Variants in NCOA3 observed in about 807,000 individuals in gnomAD.
The protein encoded by NCOA3 is nuclear receptor coactivator 3, also known as CBP-interacting protein.
In NCOA3, 51 loss-of-function variants were observed where a neutral mutation model predicts 158.8. The observed-to-expected ratio is 0.32, with a 90% CI of 0.26 to 0.41. The LOEUF is 0.41. Among genes scored for constraint, NCOA3 ranks in the 10% least tolerant of loss-of-function variants. The pLI, the probability that NCOA3 is intolerant of heterozygous loss-of-function variation, is 1.00. For missense variants in NCOA3, 1,510 were observed against 1,746.6 expected, an observed-to-expected ratio of 0.86 and a Z score of 2.41; for synonymous variants, 537 against 592.4, an observed-to-expected ratio of 0.91 and a Z score of 1.36.
At chr20:47,555,521 A>G (rs2084988988) in intron 1 of NCOA3, among the ~76,000 whole-genome samples, 1 of 152,138 alleles carries the variant, frequency 6.6e-6, no homozygotes. Flanking sequence ...ATTATCTTCA[A>G]TAATGGGGAG....
chr20:47,518,067 C>G (rs2084263705), intron 1 of NCOA3, among the ~76,000 whole-genome samples: 1 of 152,052 alleles, frequency 6.6e-6, no homozygotes, highest in African/African-American at 2.4e-5. Context: ...CACATCCAGG[C>G]CAGCCATGAT....
intron 1 of NCOA3, among the ~76,000 whole-genome samples, chr20:47,512,649 G>A (rs1315672240): frequency 6.6e-6 from 1 of 150,826 alleles, no homozygotes. Context: ...AAGTAAGTAC[G>A]AAAAAAGATG....
At chr20:47,565,242 A>G (rs182353695) in intron 1 of NCOA3, among the ~76,000 whole-genome samples, 8 of 152,224 alleles carry the variant, frequency 5.3e-5, no homozygotes, top group Admixed American at 1.3e-4. Context: ...CGGCCTCCCA[A>G]TGTGCTAGGA....
At chr20:47,548,053 C>T (rs1043524885) in intron 1 of NCOA3, among the ~76,000 whole-genome samples, 1 of 151,708 alleles carries the variant, frequency 6.6e-6, no homozygotes, top group African/African-American at 2.4e-5. Flanking sequence ...ATTTTAGCTT[C>T]CCGTCTCTTT....
chr20:47,526,365 C>T (rs1338221009), intron 1 of NCOA3, among the ~76,000 whole-genome samples: 2 of 152,048 alleles, frequency 1.3e-5, no homozygotes, highest in Admixed American at 6.6e-5. Flanking sequence ...GGGTGGCGGC[C>T]GGGCAGAGGC....
intron 9 of NCOA3, 56 bp from the exon 10 acceptor site, chr20:47,633,992 A>G (rs774228819): frequency 5.0e-6 from 8 of 1,595,080 alleles, no homozygotes; most frequent in Non-Finnish European, 6.9e-6. Context: ...GTCCCCTCCT[A>G]TATATATTTG....
intron 2 of NCOA3, among the ~76,000 whole-genome samples, chr20:47,620,522 T>G (rs911483911): frequency 3.3e-5 from 5 of 152,200 alleles, no homozygotes; most frequent in African/African-American, 1.2e-4. Flanking sequence ...GTTTTTACGT[T>G]TATCTCCCCC....
chr20:47,634,222 A>G, intron 10 of NCOA3, 27 bp downstream of exon 10: 8 of 1,590,340 alleles, frequency 5.0e-6, no homozygotes, highest in Non-Finnish European at 6.9e-6. Context: ...GTGTATTCTA[A>G]TACAAAATGC....
chr20:47,621,511 CAA>C (rs1419346895), intron 2 of NCOA3, among the ~76,000 whole-genome samples: 1 of 151,994 alleles, frequency 6.6e-6, no homozygotes, highest in Non-Finnish European at 1.5e-5. Flanking sequence ...TTGTTTTAAA[CAA>C]GAGTTTAGTA....
chr20:47,599,229 G>A (rs1399980223), intron 2 of NCOA3, among the ~76,000 whole-genome samples: 1 of 152,202 alleles, frequency 6.6e-6, no homozygotes, highest in African/African-American at 2.4e-5. Context: ...AAAACACTAT[G>A]CTAAGTAAAA....
chr20:47,529,576 C>T (rs887448527), intron 1 of NCOA3, among the ~76,000 whole-genome samples: 10 of 152,136 alleles, frequency 6.6e-5, no homozygotes, highest in African/African-American at 2.4e-4. Context: ...CCACACCTGG[C>T]TAATTTTTGT....
chr20:47,522,154 G>C (rs1225301445), intron 1 of NCOA3, among the ~76,000 whole-genome samples: 2 of 134,802 alleles, frequency 1.5e-5, no homozygotes, highest in Admixed American at 8.0e-5. Flanking sequence ...CTAGGCTGGA[G>C]TGCAGTGGAG....
chr20:47,653,146 A>G, intron 22 of NCOA3, 74 bp downstream of exon 22: 1 of 1,508,958 alleles, frequency 6.6e-7, no homozygotes, highest in East Asian at 2.3e-5. Context: ...CTAGGCTATA[A>G]TCAGAATGTC....
Position 47,637,697 on chromosome 20 carries a change from G to A in NCOA3, c.2426G>A (p.Ser809Asn). 4 of 1,611,860 alleles carry A rather than the reference G, an allele frequency of 2.5e-6. No homozygotes were observed. The stretch of plus-strand genomic sequence containing the variant: ...GATGCTATTCTTGGTGATCTGACTA[G>A]TTCTGACTTTTACAATAATTCCATA... Reference protein sequence around the residue: ...NLDAILGDLTSSDFYNNSISS... With the variant: ...NLDAILGDLTNSDFYNNSISS... Residue 809 changes from serine to asparagine, a missense_variant, in exon 13 of 23, where the codon AGT (serine) becomes AAT (asparagine). By Grantham distance (46) the Ser-to-Asn change is conservative. Coordinates refer to ENST00000371998, the MANE Select transcript of NCOA3 (RefSeq NM_181659.3).
intron 8 of NCOA3, chr20:47,630,603 C>G (rs1043813357): frequency 6.6e-6 from 1 of 152,020 alleles, no homozygotes; most frequent in East Asian, 1.9e-4. Context: ...GCTGGGACTA[C>G]AGGTATGTGC....
rs138234761 is a variant in NCOA3, at chr20:47,640,004, C to T, written c.3033C>T (p.Pro1011=). 9.0e-4 allele frequency: 1,456 copies of T among 1,614,138 alleles called. 15 individuals are homozygous for T. The East Asian group carries it at 0.018, about 20-fold the overall frequency. Residue 1011 remains proline, a synonymous_variant, in exon 16 of 23, where the codon CCC becomes CCT. Transcript: ENST00000371998. ...CATCTAACCAACTGGGTTCCTGGCC[C>T]GATGGCATGTTGTCCATGGAACAAG... ...AAASNQLGSW[P]DGMLSMEQVS...
chr20:47,652,982 T>C lies in NCOA3; in HGVS notation c.4173T>C (p.Ser1391=). 1 of 1,614,218 alleles carries C rather than the reference T, an allele frequency of 6.2e-7. No individual in the cohort carries two copies. Among genetic ancestry groups the C allele is most frequent in the Non-Finnish European group, 8.5e-7 (1 of 1,180,026 alleles). ...ACCAGGGGAATCCTGCAGTGTATAG[T>C]ATGGTGCACATGAATGGCAGCAGTG... The part of the protein sequence containing the change: ...FAHQGNPAVY[S]MVHMNGSSGH... Residue 1391 remains serine (S), a synonymous_variant, in exon 22 of 23, where the codon AGT becomes AGC. Transcript: ENST00000371998.
intron 1 of NCOA3, among the ~76,000 whole-genome samples, chr20:47,553,016 G>A (rs1002743171): frequency 6.6e-6 from 1 of 150,774 alleles, no homozygotes; most frequent in Non-Finnish European, 1.5e-5. Context: ...TCACTGTAAA[G>A]TCTGCCTCCA....
In NCOA3 at chr20:47,655,844, C is replaced by T. The variant is rs11547289; in HGVS notation, c.*2427C>T. 32,612 of 152,232 alleles carry T rather than the reference C, an allele frequency of 0.21. 3,821 individuals carry two copies. The highest frequency in any genetic ancestry group is 0.29 in the Middle Eastern group (84 of 294). The allele number at this position is 152,232 out of a possible 1,614,324, so 9.4% of individuals were successfully genotyped here. On this transcript the variant is annotated 3_prime_UTR_variant, in exon 23 of 23. Transcript: ENST00000371998. ...CCAGGCTAACTGGAAGGCAGCACTCCCTTTTTTATATAGTAGAAAAATGAA... is the reference window on the plus strand; with the variant it reads ...CCAGGCTAACTGGAAGGCAGCACTCTCTTTTTTATATAGTAGAAAAATGAA...
Sources: allele counts gnomAD v4.1 joint callset (sites outside exome capture counted in the v4.1 genomes callset), GRCh38; gene constraint gnomAD v4.1.1; transcripts MANE v1.5; gene names NCBI Gene and HGNC (gene_info 2026-07-23, HGNC 2026-07-21).